The following PXDNL variants were observed in gnomAD, a reference collection of about 807,000 sequenced individuals.
PXDNL encodes probable oxidoreductase PXDNL.
In PXDNL, 145 loss-of-function variants were observed where a neutral mutation model predicts 150.8. The observed-to-expected ratio is 0.96, with a 90% CI of 0.84 to 1.10. The LOEUF (loss-of-function observed/expected upper bound fraction) is 1.10. PXDNL is among the 50% of genes least tolerant of loss of function. The pLI, the probability that PXDNL is intolerant of heterozygous loss-of-function variation, is 0.00. For missense variants in PXDNL, 2,087 were observed against 1,873.9 expected (o/e 1.11, Z -2.10); for synonymous variants, 757 against 725.7 (o/e 1.04, Z -0.69).
intron 8 of PXDNL, among the ~76,000 whole-genome samples, chr8:51,469,379 G>A (rs1810274210): frequency 6.6e-6 from 1 of 151,766 alleles, no homozygotes; most frequent in Non-Finnish European, 1.5e-5. Flanking sequence ...TTTATTTCTG[G>A]ATAATTCTAT....
Position 51,363,981 on chromosome 8 carries a change from T to C in PXDNL, c.3901+7892A>G, listed in dbSNP as rs1023154401. Among the ~76,000 whole-genome samples, 7 of 152,298 alleles carry C rather than the reference T, an allele frequency of 4.6e-5. No individual in the cohort carries two copies. The East Asian group carries it at 1.4e-3, about 29-fold the overall frequency. ...GGCAAAGCTAGAGGAACTGACTGAA[T>C]TGTTTTGGTAAAAGGTATTGTAGAT... On this transcript the variant is annotated intron_variant, in intron 19 of 22. Coordinates refer to ENST00000356297, the MANE Select transcript of PXDNL (RefSeq NM_144651.5).
intron 1 of PXDNL, among the ~76,000 whole-genome samples, chr8:51,769,204 T>C (rs1201971714): frequency 1.3e-5 from 2 of 152,258 alleles, no homozygotes; most frequent in Non-Finnish European, 2.9e-5. Context: ...TGGTTTACTA[T>C]GTGCCCAGCA....
intron 4 of PXDNL, among the ~76,000 whole-genome samples, chr8:51,549,686 C>A (rs916836603): frequency 2.0e-5 from 3 of 151,890 alleles, no homozygotes; most frequent in Non-Finnish European, 1.5e-5. Context: ...AAAAGCAGTT[C>A]TAAGAGGAAA....
At chr8:51,517,928 C>T (rs561416820) in intron 4 of PXDNL, among the ~76,000 whole-genome samples, 113 of 152,048 alleles carry the variant, frequency 7.4e-4, no homozygotes, top group African/African-American at 2.6e-3. Flanking sequence ...TCAAATGAAA[C>T]GTACTTTTCG....
At chr8:51,398,045 C>G (rs1808139814) in intron 17 of PXDNL, among the ~76,000 whole-genome samples, 1 of 152,162 alleles carries the variant, frequency 6.6e-6, no homozygotes, top group African/African-American at 2.4e-5. Context: ...CTGTTTCTGG[C>G]TATGGTGTGA....
intron 14 of PXDNL, among the ~76,000 whole-genome samples, chr8:51,422,478 TTATAAA>T (rs942566185): frequency 6.6e-6 from 1 of 152,222 alleles, no homozygotes; most frequent in African/African-American, 2.4e-5. Flanking sequence ...TGGCAAATCT[TTATAAA>T]TATGAGTTGA....
At chr8:51,424,199 C>G (rs769212605) in intron 13 of PXDNL, among the ~76,000 whole-genome samples, 2 of 149,942 alleles carry the variant, frequency 1.3e-5, no homozygotes, top group Non-Finnish European at 3.0e-5. Context: ...CCCATCCCTA[C>G]AAAAAAAAAT....
chr8:51,337,223 C>T (rs565568778), intron 21 of PXDNL, among the ~76,000 whole-genome samples: 16 of 152,040 alleles, frequency 1.1e-4, no homozygotes, highest in African/African-American at 3.6e-4. Context: ...ATCACTACAG[C>T]ACATATCAAA....
At chr8:51,664,267 C>G (rs1026660438) in intron 1 of PXDNL, among the ~76,000 whole-genome samples, 1 of 152,094 alleles carries the variant, frequency 6.6e-6, no homozygotes, top group Non-Finnish European at 1.5e-5. Context: ...ACAAGAAGCT[C>G]TAAGTGAATT....
intron 17 of PXDNL, among the ~76,000 whole-genome samples, chr8:51,382,524 A>G (rs772915792): frequency 5.3e-5 from 8 of 152,128 alleles, no homozygotes; most frequent in African/African-American, 1.9e-4. Flanking sequence ...ATTGTCCTAA[A>G]CCTTACACCT....
chr8:51,628,590 G>T (rs1219058448), intron 2 of PXDNL, among the ~76,000 whole-genome samples: 6 of 151,190 alleles, frequency 4.0e-5, no homozygotes, highest in African/African-American at 1.5e-4. Flanking sequence ...ATTTTTAGTA[G>T]AGATGGGGTT....
At position 51,408,681 on chromosome 8, in the gene PXDNL, C is replaced by T; in HGVS notation, c.2943G>A (p.Met981Ile). The change falls in exon 17 of 23, where the codon ATG (methionine) becomes ATA (isoleucine). Residue 981 changes from methionine (M) to isoleucine (I), a missense_variant. Transcript: ENST00000356297. ...HTLWFREHNR[M>I]ATELSALNPH... is the part of the protein sequence containing the mutation. ...GGTTCAGGGCGGACAGCTCCGTGGC[C>T]ATCCTGTTGTGTTCCCGGAACCACA... The T allele has an allele frequency of 6.2e-7, 1 of 1,600,202 alleles. No individual in the cohort carries two copies. Among genetic ancestry groups the T allele is most frequent in the Non-Finnish European group, 8.5e-7 (1 of 1,173,174 alleles).
intron 1 of PXDNL, among the ~76,000 whole-genome samples, chr8:51,678,321 A>G (rs1815669929): frequency 6.6e-6 from 1 of 152,170 alleles, no homozygotes; most frequent in African/African-American, 2.4e-5. Flanking sequence ...CCTGCTTGTC[A>G]TGTTGTAATG....
At chr8:51,589,977 C>A (rs1813407627) in intron 3 of PXDNL, among the ~76,000 whole-genome samples, 1 of 152,068 alleles carries the variant, frequency 6.6e-6, no homozygotes, top group Non-Finnish European at 1.5e-5. Context: ...ATTTCAGAGG[C>A]CTTCAAGGCT....
At chr8:51,485,466 A>C (rs966189799) in intron 5 of PXDNL, among the ~76,000 whole-genome samples, 2 of 152,136 alleles carry the variant, frequency 1.3e-5, no homozygotes, top group African/African-American at 4.8e-5. Context: ...ACATTGTCCG[A>C]TTTTAGCAAG....
At chr8:51,781,197 T>C (rs2037411687) in intron 1 of PXDNL, among the ~76,000 whole-genome samples, 1 of 152,202 alleles carries the variant, frequency 6.6e-6, no homozygotes. Context: ...GAGACCTCTA[T>C]AAATCAGAAG....
chr8:51,735,543 T>TGTTTG lies in PXDNL; in HGVS notation c.164+73637_164+73638insCAAAC, dbSNP rs1563304305. Reference sequence around the variant, plus strand: ...TAAAAATTGTTTTTTTTTTTTTTTTTTTTTTTTTTTTTTTTTTTTTTGAGA... The same window carrying TGTTTG: ...TAAAAATTGTTTTTTTTTTTTTTTTTGTTTGTTTTTTTTTTTTTTTTTTTTTGAGA... On this transcript the variant is annotated intron_variant, in intron 1 of 22. Transcript: ENST00000356297. 1.7e-3 allele frequency among the ~76,000 whole-genome samples: 183 copies of TGTTTG among 108,478 alleles called. 4 individuals are homozygous for TGTTTG. The highest frequency in any genetic ancestry group is 5.3e-3 in the African/African-American group (144 of 26,920). 71.2% of individuals were successfully genotyped at this position (108,478 alleles called of 152,430 possible). A position where few individuals can be genotyped will look rare whatever the true frequency, so the allele number is the denominator to read the frequency against.
chr8:51,714,866 A>C (rs1216920478), intron 1 of PXDNL, among the ~76,000 whole-genome samples: 2 of 152,198 alleles, frequency 1.3e-5, no homozygotes, highest in Non-Finnish European at 2.9e-5. Context: ...TTTTCAAGGA[A>C]ACAGAGAAAA....
At chr8:51,346,428 G>A (rs1265543060) in intron 19 of PXDNL, among the ~76,000 whole-genome samples, 1 of 152,098 alleles carries the variant, frequency 6.6e-6, no homozygotes, top group Non-Finnish European at 1.5e-5. Flanking sequence ...TCCTCCAAGT[G>A]GTTAAAATTG....
Sources: gnomAD v4.1 joint callset for allele counts (sites outside exome capture counted in the v4.1 genomes callset) on GRCh38, gnomAD v4.1.1 for gene constraint, MANE v1.5 for transcripts, NCBI Gene and HGNC (gene_info 2026-07-23, HGNC 2026-07-21) for gene names.